KCNT1: variants seen among roughly 807,000 people sequenced by gnomAD.
KCNT1 encodes the protein potassium channel subfamily T member 1.
In KCNT1, 78 loss-of-function variants were observed where a neutral mutation model predicts 147.8. The ratio of observed to expected loss-of-function variants is 0.53; its 90% CI spans 0.44 to 0.64. The LOEUF is 0.64. KCNT1 is among the 30% of genes least tolerant of loss of function. The pLI, the probability that KCNT1 is intolerant of heterozygous loss-of-function variation, is 0.00. For missense variants in KCNT1, 1,419 were observed against 1,750.3 expected, an observed-to-expected ratio of 0.81 and a Z score of 3.38; for synonymous variants, 867 against 748.8, an observed-to-expected ratio of 1.16 and a Z score of -2.58.
chr9:135,728,355 C>T (rs1836300695), intron 2 of KCNT1, among the ~76,000 whole-genome samples: 3 of 152,236 alleles, frequency 2.0e-5, no homozygotes, highest in South Asian at 2.1e-4. Context: ...GGAGGGAGAA[C>T]ATCGGGGCAG....
chr9:135,765,935 T>C (rs1220547151), intron 13 of KCNT1, among the ~76,000 whole-genome samples, 175 bp downstream of exon 13: 1 of 151,630 alleles, frequency 6.6e-6, no homozygotes, highest in Admixed American at 6.6e-5. Flanking sequence ...TCGTCCGGGG[T>C]GGACCATTTA....
At chr9:135,747,585 C>A (rs13300837) in intron 2 of KCNT1, among the ~76,000 whole-genome samples, 2 of 152,258 alleles carry the variant, frequency 1.3e-5, no homozygotes, top group Non-Finnish European at 2.9e-5. Context: ...GACAGACCCC[C>A]CAAAGAGACA....
chr9:135,726,718 TCTCA>T (rs966155748), intron 2 of KCNT1, among the ~76,000 whole-genome samples: 12 of 147,640 alleles, frequency 8.1e-5, no homozygotes, highest in South Asian at 4.4e-4. Context: ...CCTCTCTCTC[TCTCA>T]CTCTCTACCT....
At chr9:135,781,216 A>AAT (rs966440365) in intron 24 of KCNT1, among the ~76,000 whole-genome samples, 1 of 152,236 alleles carries the variant, frequency 6.6e-6, no homozygotes, top group African/African-American at 2.4e-5. Flanking sequence ...ACCAAGGAGA[A>AAT]ATCAGGACAT....
chr9:135,762,927 C>T (rs72770378), intron 11 of KCNT1, among the ~76,000 whole-genome samples: 4,259 of 152,352 alleles, frequency 0.028, 71 homozygotes, highest in Non-Finnish European at 0.042. Flanking sequence ...GCAGCCTGCA[C>T]GCAGAGGTGT....
intron 2 of KCNT1, among the ~76,000 whole-genome samples, chr9:135,737,828 G>T (rs1449642284): frequency 6.6e-6 from 1 of 152,178 alleles, no homozygotes; most frequent in Admixed American, 6.5e-5. Flanking sequence ...AGCCCTGGGG[G>T]GGCACTGCCC....
chr9:135,749,763 C>T (rs1297809956), intron 2 of KCNT1, among the ~76,000 whole-genome samples: 1 of 152,054 alleles, frequency 6.6e-6, no homozygotes, highest in Admixed American at 6.6e-5. Flanking sequence ...AGGTGCCCTG[C>T]ACCCACGGAG....
At chr9:135,759,391 C>T (rs969438189) in intron 10 of KCNT1, among the ~76,000 whole-genome samples, 9 of 148,776 alleles carry the variant, frequency 6.0e-5, no homozygotes, top group African/African-American at 2.2e-4. Flanking sequence ...AGCCACCCGG[C>T]AGGCAGGGAG....
chr9:135,764,627 A>G (rs1832130427), intron 11 of KCNT1, among the ~76,000 whole-genome samples: 1 of 152,128 alleles, frequency 6.6e-6, no homozygotes, highest in Non-Finnish European at 1.5e-5. Flanking sequence ...GCAGCCTCAA[A>G]CCACCTGCCC....
intron 1 of KCNT1, among the ~76,000 whole-genome samples, chr9:135,705,085 C>T (rs1336294239): frequency 6.6e-6 from 1 of 152,240 alleles, no homozygotes; most frequent in Non-Finnish European, 1.5e-5. Context: ...GGTTCACCCA[C>T]CGTATGGGGA....
chr9:135,755,048 C>A, intron 5 of KCNT1, 73 bp from the exon 6 acceptor site: 4 of 1,427,112 alleles, frequency 2.8e-6, no homozygotes, highest in Non-Finnish European at 3.8e-6. Flanking sequence ...ATGGTTATGG[C>A]CCCAGCCCCA....
chr9:135,784,404 A>G (rs1833851404), intron 25 of KCNT1, 131 bp from the exon 26 acceptor site: 2 of 699,802 alleles, frequency 2.9e-6, no homozygotes, highest in Non-Finnish European at 5.1e-6. Flanking sequence ...GTGTGTGTGT[A>G]TGCATGAGGG....
intron 10 of KCNT1, among the ~76,000 whole-genome samples, chr9:135,758,972 G>A (rs1326235840): frequency 6.6e-6 from 1 of 152,198 alleles, no homozygotes; most frequent in African/African-American, 2.4e-5. Flanking sequence ...CTCTGCCTTG[G>A]GTCCCAGCGA....
intron 2 of KCNT1, among the ~76,000 whole-genome samples, chr9:135,748,663 C>A (rs1830976363): frequency 2.0e-5 from 3 of 152,242 alleles, no homozygotes; most frequent in Admixed American, 6.5e-5. Flanking sequence ...TCTGCTTGAA[C>A]ACTGCCTCCT....
At chr9:135,744,586 G>A (rs1315109633) in intron 2 of KCNT1, among the ~76,000 whole-genome samples, 1 of 152,210 alleles carries the variant, frequency 6.6e-6, no homozygotes, top group African/African-American at 2.4e-5. Flanking sequence ...GCAAGCGTGG[G>A]CCTCGGGGAG....
At chr9:135,758,057 G>GC (rs57649754) in intron 9 of KCNT1, among the ~76,000 whole-genome samples, 72,475 of 125,362 alleles carry the variant, frequency 0.58, 20,518 homozygotes, top group South Asian at 0.73. Flanking sequence ...GGTGCAGGCT[G>GC]CCCGTGGGCC....
At chr9:135,704,162 A>G (rs937912220) in intron 1 of KCNT1, among the ~76,000 whole-genome samples, 2 of 152,176 alleles carry the variant, frequency 1.3e-5, no homozygotes, top group African/African-American at 2.4e-5. Context: ...CAGCTCTCAC[A>G]TGGGGAGGAG....
At chr9:135,739,561 G>A (rs1022538132) in intron 2 of KCNT1, among the ~76,000 whole-genome samples, 2 of 151,556 alleles carry the variant, frequency 1.3e-5, no homozygotes, top group Non-Finnish European at 1.5e-5. Context: ...CCGGGCACAC[G>A]CCCGGCGCCC....
At chr9:135,734,040 C>T (rs1437969984) in intron 2 of KCNT1, among the ~76,000 whole-genome samples, 2 of 152,118 alleles carry the variant, frequency 1.3e-5, no homozygotes, top group Non-Finnish European at 2.9e-5. Context: ...CTGTCCAGCC[C>T]GCAGTCCCAC....
Sources: allele counts gnomAD v4.1 joint callset (sites outside exome capture counted in the v4.1 genomes callset), GRCh38; gene constraint gnomAD v4.1.1; transcripts MANE v1.5; gene names NCBI Gene and HGNC (gene_info 2026-07-23, HGNC 2026-07-21).